Variants in FLAD1 observed in about 807,000 individuals in gnomAD.
The protein encoded by FLAD1 is bifunctional FAD diphosphatase/FAD synthase.
Under a neutral mutation model 55.0 loss-of-function variants are expected in FLAD1, and 35 were observed. That is an observed-to-expected ratio of 0.64 (90% confidence interval 0.49 to 0.84). The LOEUF is 0.84. Ranked by LOEUF, FLAD1 falls within the 40% of genes least tolerant of loss-of-function variation. The pLI is 0.00. For synonymous variants in FLAD1, 267 were observed against 303.0 expected, an observed-to-expected ratio of 0.88 and a Z score of 1.23; for missense variants, 665 against 742.6, an observed-to-expected ratio of 0.90 and a Z score of 1.21.
Position 154,992,784 on chromosome 1 carries a change from AGGGTAAGGGTATTAGGGGAAGGGAAT to A in FLAD1, c.1628+8_1628+33del. On this transcript the variant is annotated splice_donor_variant and splice_donor_5th_base_variant and coding_sequence_variant and intron_variant, in exon 6 of 7. Coordinates refer to ENST00000292180, the MANE Select transcript of FLAD1 (RefSeq NM_025207.5). LOFTEE classifies it high-confidence loss of function. ...TCCCATACTGTATCCTGTATGACCGAGGGTAAGGGTATTAGGGGAAGGGAATGGGTAAGGGAGTTTTTAGGGTGCTG... is the reference window on the plus strand; with the variant it reads ...TCCCATACTGTATCCTGTATGACCGAGGGTAAGGGAGTTTTTAGGGTGCTG... 1.9e-6 allele frequency: 3 copies of A among 1,614,100 alleles called. No homozygotes were observed. The highest frequency in any genetic ancestry group is 1.3e-5 in the African/African-American group (1 of 75,018).
chr1:154,990,578 C>A (rs779066390), intron 5 of FLAD1, 50 bp downstream of exon 5: 2 of 1,508,978 alleles, frequency 1.3e-6, no homozygotes, highest in Non-Finnish European at 1.8e-6. Context: ...CCCCAGCAGT[C>A]ACTGCACCCT....
rs528163074 is a variant in FLAD1, at chr1:154,987,043, T to C, written c.373-1062T>C. Among the ~76,000 whole-genome samples, 35 of 147,776 alleles carry C rather than the reference T, an allele frequency of 2.4e-4. No homozygotes were observed. In the East Asian group the frequency reaches 6.1e-3, roughly 26 times the overall value. ...CAAAACACAGACCCTTTTTTTTTTT[T>C]CCTTTGGTGACAGGGTCCCTGTCAC... On this transcript the variant is annotated intron_variant, in intron 1 of 6. Coordinates refer to ENST00000292180, the MANE Select transcript of FLAD1 (RefSeq NM_025207.5).
intron 2 of FLAD1, among the ~76,000 whole-genome samples, 179 bp from the exon 3 acceptor site, chr1:154,989,381 G>T (rs1412138872): frequency 2.0e-5 from 3 of 152,170 alleles, no homozygotes; most frequent in Admixed American, 6.5e-5. Context: ...CTGGGTGGCA[G>T]ATGGCAGGGC....
In FLAD1 at chr1:154,988,086, C is replaced by G; in HGVS notation, c.373-19C>G. ...ATCCCTACAGTACTGATGGCCTCAT[C>G]TTCCCCTTCAACCCCCAGGGACACA... On this transcript the variant is annotated intron_variant, in intron 1 of 6. Coordinates refer to ENST00000292180, the MANE Select transcript of FLAD1 (RefSeq NM_025207.5). 4.3e-6 allele frequency: 7 copies of G among 1,614,186 alleles called. No individual in the cohort carries two copies. Among genetic ancestry groups the G allele is most frequent in the Non-Finnish European group, 5.1e-6 (6 of 1,180,036 alleles).
chr1:154,985,120 A>G (rs1297703628), intron 1 of FLAD1, among the ~76,000 whole-genome samples: 3 of 138,708 alleles, frequency 2.2e-5, no homozygotes, highest in Non-Finnish European at 4.5e-5. Context: ...GGCTCAAGCA[A>G]TCCTCCCACA....
At position 154,988,616 on chromosome 1, in the gene FLAD1, C is replaced by T. The variant is rs1304806052; in HGVS notation, c.884C>T (p.Pro295Leu). ...YVAADEASIA[P>L]ILAEAQAHFG... is the part of the protein sequence containing the mutation. ...GCTGCTGATGAAGCCTCCATCGCCC[C>T]CATTCTGGCTGAGGCCCAGGCCCAC... The change falls in exon 2 of 7, where the codon CCC (proline) becomes CTC (leucine). Residue 295 changes from proline to leucine, a missense_variant. Physicochemically the swap from Pro to Leu is moderately conservative, Grantham distance 98 (BLOSUM62 -3). Coordinates refer to ENST00000292180, the MANE Select transcript of FLAD1 (RefSeq NM_025207.5). 2.1e-5 allele frequency: 34 copies of T among 1,614,248 alleles called. No individual in the cohort carries two copies. The highest frequency in any genetic ancestry group is 2.8e-5 in the Non-Finnish European group (33 of 1,180,052).
At chr1:154,991,225 A>ATATATATATATATATGTATAT in intron 5 of FLAD1, 1 of 83,170 alleles carries the variant, frequency 1.2e-5, no homozygotes, top group East Asian at 3.9e-4. Context: ...AAAAAAAAAA[A>ATATATATATATATATGTATAT]ATATATATAT....
chr1:154,986,704 C>CCTCT (rs1657626991), intron 1 of FLAD1, among the ~76,000 whole-genome samples: 3 of 91,694 alleles, frequency 3.3e-5, no homozygotes, highest in African/African-American at 5.0e-5. Context: ...GCCCCCCACC[C>CCTCT]TTTTTTTTTT....
intron 1 of FLAD1, 53 bp from the exon 2 acceptor site, chr1:154,988,052 C>T (rs1274022814): frequency 1.2e-6 from 2 of 1,613,684 alleles, no homozygotes; most frequent in East Asian, 2.2e-5. Context: ...TCTTCAACCC[C>T]TCCCCTTCAT....
At position 154,992,747 on chromosome 1, in the gene FLAD1, G is replaced by A. The variant is rs146007674; in HGVS notation, c.1589G>A (p.Arg530His). 2.7e-4 allele frequency: 435 copies of A among 1,614,014 alleles called. 1 individual carries two copies. The highest frequency in any genetic ancestry group is 3.3e-4 in the Middle Eastern group (2 of 6,084). Residue 530 changes from arginine (R) to histidine (H), a missense_variant, in exon 6 of 7, where the codon CGT (arginine) becomes CAT (histidine). Coordinates refer to ENST00000292180, the MANE Select transcript of FLAD1 (RefSeq NM_025207.5). ...TACAGAGACATCTGGGATTTTCTGC[G>A]TCAGCTGTTTGTCCCATACTGTATC... Reference protein sequence around the residue: ...WTYRDIWDFLRQLFVPYCILY... With the variant: ...WTYRDIWDFLHQLFVPYCILY...
chr1:154,989,557 C>G lies in FLAD1; in HGVS notation c.1118-3C>G. 6.4e-7 allele frequency: 1 copy of G among 1,561,222 alleles called. No individual in the cohort carries two copies. Among genetic ancestry groups the G allele is most frequent in the South Asian group, 1.2e-5 (1 of 83,446 alleles). On this transcript the variant is annotated splice_region_variant and splice_polypyrimidine_tract_variant and intron_variant, in intron 2 of 6. Transcript: ENST00000292180. The stretch of plus-strand genomic sequence containing the variant: ...GATGCCCTCTTCCCTGCCTGCTTGG[C>G]AGGGTCTTCTTTGGGGAAAAAGGTG...
At position 154,988,058 on chromosome 1, in the gene FLAD1, T is replaced by C. The variant is rs765661425; in HGVS notation, c.373-47T>C. On this transcript the variant is annotated intron_variant, in intron 1 of 6. Coordinates refer to ENST00000292180, the MANE Select transcript of FLAD1 (RefSeq NM_025207.5). Reference sequence around the variant, plus strand: ...CAGCCATCATCTTCAACCCCTCCCCTTCATCCCTACAGTACTGATGGCCTC... The same window carrying C: ...CAGCCATCATCTTCAACCCCTCCCCCTCATCCCTACAGTACTGATGGCCTC... 10 of 1,613,660 alleles carry C rather than the reference T, an allele frequency of 6.2e-6. No individual in the cohort carries two copies. The African/African-American group carries it at 1.1e-4, about 17-fold the overall frequency.
rs556272462 is a variant in FLAD1, at chr1:154,988,152, C to A, written c.420C>A (p.Arg140=). 2 of 1,614,250 alleles carry A rather than the reference C, an allele frequency of 1.2e-6. No homozygotes were observed. The highest frequency in any genetic ancestry group is 1.1e-5 in the South Asian group (1 of 91,088). ...CCTTCTTTCTGTGCCGGACACTGCG[C>A]TCCCTAGGGGTCCAGGTTTGCCGAG... is the stretch of plus-strand genomic sequence containing the variant. ...TNTFFLCRTL[R]SLGVQVCRVS... The change falls in exon 2 of 7, where the codon CGC becomes CGA. Residue 140 remains arginine (R), a synonymous_variant. Coordinates refer to ENST00000292180, the MANE Select transcript of FLAD1 (RefSeq NM_025207.5).
Position 154,990,518 on chromosome 1 carries a change from A to T in FLAD1, c.1544A>T (p.Asn515Ile). Reference protein sequence around the residue: ...DPGWPAFMRINPLLDWTYRDI... With the variant: ...DPGWPAFMRIIPLLDWTYRDI... Reference sequence around the variant, plus strand: ...GGCTGGCCCGCATTCATGCGCATCAACCCACTGCTGGTAATGGGGAAGAGG... The same window carrying T: ...GGCTGGCCCGCATTCATGCGCATCATCCCACTGCTGGTAATGGGGAAGAGG... Residue 515 changes from asparagine to isoleucine, a missense_variant, in exon 5 of 7, where the codon AAC (asparagine) becomes ATC (isoleucine). Asn to Ile is a moderately radical substitution (Grantham distance 149). Coordinates refer to ENST00000292180, the MANE Select transcript of FLAD1 (RefSeq NM_025207.5). 6.2e-7 allele frequency: 1 copy of T among 1,601,324 alleles called. No homozygotes were observed. Among genetic ancestry groups the T allele is most frequent in the Non-Finnish European group, 8.5e-7 (1 of 1,172,712 alleles).
chr1:154,992,301 G>A (rs573965057), intron 5 of FLAD1, among the ~76,000 whole-genome samples: 5 of 151,802 alleles, frequency 3.3e-5, no homozygotes, highest in African/African-American at 1.2e-4. Context: ...AAATTAGCTG[G>A]GCACAGTGGT....
In FLAD1 at chr1:154,990,417, G is replaced by A. The variant is rs780475798; in HGVS notation, c.1443G>A (p.Leu481=). 36 of 1,614,030 alleles carry A rather than the reference G, an allele frequency of 2.2e-5. No homozygotes were observed. The East Asian group carries it at 2.4e-4, about 11-fold the overall frequency. The change falls in exon 5 of 7, where the codon CTG becomes CTA. Residue 481 remains leucine (L), a synonymous_variant. Transcript: ENST00000292180. ...LGELQARHPQ[L]EAVLMGTRRT... ...AACTGCAGGCACGGCACCCCCAGCTGGAGGCTGTCCTTATGGGCACCCGCC... is the reference window on the plus strand; with the variant it reads ...AACTGCAGGCACGGCACCCCCAGCTAGAGGCTGTCCTTATGGGCACCCGCC...
At chr1:154,986,442 A>G (rs1230674059) in intron 1 of FLAD1, among the ~76,000 whole-genome samples, 1 of 152,042 alleles carries the variant, frequency 6.6e-6, no homozygotes, top group Non-Finnish European at 1.5e-5. Flanking sequence ...GGTGACCCCT[A>G]TATTTTAAGT....
chr1:154,986,468 G>A (rs1209978967), intron 1 of FLAD1, among the ~76,000 whole-genome samples: 2 of 152,126 alleles, frequency 1.3e-5, no homozygotes. Context: ...CTAGAGTCTG[G>A]TAGTGTCCTA....
chr1:154,983,916 C>T lies in FLAD1; in HGVS notation c.222C>T (p.Cys74=). The T allele has an allele frequency of 6.2e-7, 1 of 1,611,298 alleles. No homozygotes were observed. The highest frequency in any genetic ancestry group is 8.5e-7 in the Non-Finnish European group (1 of 1,178,278). The part of the protein sequence containing the change: ...QCPVDLAGPP[C]LRPLFGGLGG... ...CTGTAGACCTGGCAGGCCCCCCGTG[C>T]TTGCGACCCCTATTTGGGGGTCTGG... Residue 74 remains cysteine (C), a synonymous_variant, in exon 1 of 7, where the codon TGC becomes TGT. Coordinates refer to ENST00000292180, the MANE Select transcript of FLAD1 (RefSeq NM_025207.5).
Sources: allele counts gnomAD v4.1 joint callset (sites outside exome capture counted in the v4.1 genomes callset), GRCh38; gene constraint gnomAD v4.1.1; transcripts MANE v1.5; gene names NCBI Gene and HGNC (gene_info 2026-07-23, HGNC 2026-07-21).